Variants in SGPP2 observed in about 807,000 individuals in gnomAD.
The protein encoded by SGPP2 is sphingosine 1-phosphate phosphohydrolase 2.
Under a neutral mutation model 33.9 loss-of-function variants are expected in SGPP2, and 30 were observed. The ratio of observed to expected loss-of-function variants is 0.89; its 90% CI spans 0.66 to 1.20. SGPP2 has a LOEUF of 1.20. SGPP2 is among the 50% of genes most tolerant of loss of function. SGPP2 has a pLI of 0.00. For synonymous variants in SGPP2, 233 were observed against 225.0 expected (o/e 1.04, Z -0.32); for missense variants, 458 against 532.1 (o/e 0.86, Z 1.37).
At chr2:222,531,558 T>C (rs1232013241) in intron 4 of SGPP2, among the ~76,000 whole-genome samples, 2 of 152,202 alleles carry the variant, frequency 1.3e-5, no homozygotes, top group Non-Finnish European at 2.9e-5. Context: ...ATTTATTGTG[T>C]ATAGAGTTTC....
intron 4 of SGPP2, among the ~76,000 whole-genome samples, chr2:222,539,706 C>T (rs758406440): frequency 6.6e-5 from 10 of 152,224 alleles, no homozygotes; most frequent in Non-Finnish European, 1.3e-4. Flanking sequence ...ATGGCTTCAA[C>T]CTCCATGCCA....
chr2:222,521,504 GTGTT>G (rs1698684639), intron 2 of SGPP2, among the ~76,000 whole-genome samples: 1 of 131,568 alleles, frequency 7.6e-6, no homozygotes, highest in Non-Finnish European at 1.5e-5. Flanking sequence ...TATAAGCTAC[GTGTT>G]TGTTAAATAC....
chr2:222,477,286 G>A lies in SGPP2; in HGVS notation c.378+2560G>A, dbSNP rs1020646079. Reference sequence around the variant, plus strand: ...ATAGGTGTATATGTATGTGTGTATGGGTGTGTATATGTGTGTATATAGGTG... The same window carrying A: ...ATAGGTGTATATGTATGTGTGTATGAGTGTGTATATGTGTGTATATAGGTG... On this transcript the variant is annotated intron_variant, in intron 2 of 4. Transcript: ENST00000321276. This position sits in a 1 kb window ranked among gnomAD's most constrained non-coding sequence, Gnocchi z 6.0. Among the ~76,000 whole-genome samples, 25 of 146,358 alleles carry A rather than the reference G, an allele frequency of 1.7e-4. 1 individual carries two copies. Among genetic ancestry groups the A allele is most frequent in the Admixed American group, 1.3e-3 (19 of 14,744 alleles).
intron 1 of SGPP2, among the ~76,000 whole-genome samples, chr2:222,434,998 AC>A (rs1697214257): frequency 6.6e-6 from 1 of 150,680 alleles, no homozygotes; most frequent in African/African-American, 2.5e-5. Flanking sequence ...ACACACACAC[AC>A]ACACACACAC....
chr2:222,546,845 A>ACT (rs1689210536), intron 4 of SGPP2, among the ~76,000 whole-genome samples: 4 of 146,954 alleles, frequency 2.7e-5, no homozygotes, highest in Non-Finnish European at 6.0e-5. Context: ...AAAAAAAAAG[A>ACT]ACATGCCAGA....
chr2:222,540,300 GC>G (rs1698972372), intron 4 of SGPP2, among the ~76,000 whole-genome samples: 1 of 152,126 alleles, frequency 6.6e-6, no homozygotes, highest in Non-Finnish European at 1.5e-5. Flanking sequence ...AATCACATAT[GC>G]AACTCATCAC....
chr2:222,541,097 G>C (rs963176771), intron 4 of SGPP2, among the ~76,000 whole-genome samples: 4 of 152,288 alleles, frequency 2.6e-5, no homozygotes, highest in Non-Finnish European at 4.4e-5. Flanking sequence ...GATTACAGGC[G>C]TGAGCCACCA....
intron 1 of SGPP2, among the ~76,000 whole-genome samples, chr2:222,433,184 A>G (rs976249053): frequency 1.3e-5 from 2 of 152,218 alleles, no homozygotes; most frequent in Non-Finnish European, 1.5e-5. Flanking sequence ...TGAGTATGGC[A>G]GATTCCACTG....
rs531810256 is a variant in SGPP2 at position 222,446,944 on chromosome 2, A to G, written c.219+22123A>G. 9.5e-4 allele frequency among the ~76,000 whole-genome samples: 145 copies of G among 152,380 alleles called. 3 individuals are homozygous for G. The South Asian group carries it at 0.016, about 17-fold the overall frequency. Reference sequence around the variant, plus strand: ...CAGTAGTAAAGAAATTTTTGCTGCTATAGGTGACAGTAGTCCCTGTTAATA... The same window carrying G: ...CAGTAGTAAAGAAATTTTTGCTGCTGTAGGTGACAGTAGTCCCTGTTAATA... On this transcript the variant is annotated intron_variant, in intron 1 of 4. Coordinates refer to ENST00000321276, the MANE Select transcript of SGPP2 (RefSeq NM_152386.4).
At position 222,508,750 on chromosome 2, in the gene SGPP2, A is replaced by G. The variant is rs557307090; in HGVS notation, c.379-13017A>G. On this transcript the variant is annotated intron_variant, in intron 2 of 4. Transcript: ENST00000321276. ...TTTTCTCATCTACTCTTTGTGCTTTAGTTATTTCATCTCTATTTTTACAAA... is the reference window on the plus strand; with the variant it reads ...TTTTCTCATCTACTCTTTGTGCTTTGGTTATTTCATCTCTATTTTTACAAA... Among the ~76,000 whole-genome samples, 4 of 152,322 alleles carry G rather than the reference A, an allele frequency of 2.6e-5. No homozygotes were observed. The East Asian group carries it at 7.7e-4, about 29-fold the overall frequency.
At chr2:222,490,355 ATACTCT>A (rs1559159123) in intron 2 of SGPP2, among the ~76,000 whole-genome samples, 2 of 152,200 alleles carry the variant, frequency 1.3e-5, no homozygotes, top group Admixed American at 1.3e-4. Flanking sequence ...GCAATGACAA[ATACTCT>A]TATGGGGTCA....
At chr2:222,430,786 G>C (rs1697142577) in intron 1 of SGPP2, among the ~76,000 whole-genome samples, 1 of 152,204 alleles carries the variant, frequency 6.6e-6, no homozygotes, top group African/African-American at 2.4e-5. Flanking sequence ...TTGACATCAT[G>C]TTCTCTTGAT....
intron 1 of SGPP2, among the ~76,000 whole-genome samples, chr2:222,459,662 A>G (rs1390550680): frequency 1.3e-5 from 2 of 152,020 alleles, no homozygotes; most frequent in African/African-American, 2.4e-5. Flanking sequence ...TGAGAGAGAG[A>G]GAGACAGAGA....
At chr2:222,493,570 C>T (rs1053116381) in intron 2 of SGPP2, among the ~76,000 whole-genome samples, 1 of 152,198 alleles carries the variant, frequency 6.6e-6, no homozygotes, top group Admixed American at 6.5e-5. Flanking sequence ...TCCTAGACTA[C>T]AGCAGTCCTC....
chr2:222,468,561 G>A (rs895166381), intron 1 of SGPP2, among the ~76,000 whole-genome samples: 2 of 152,152 alleles, frequency 1.3e-5, no homozygotes, highest in Admixed American at 6.5e-5. Context: ...TCAAAAGCTG[G>A]GCTGGCCGCC....
At chr2:222,557,684 G>T (rs893684465) in intron 4 of SGPP2, among the ~76,000 whole-genome samples, 1 of 152,154 alleles carries the variant, frequency 6.6e-6, no homozygotes, top group Non-Finnish European at 1.5e-5. Context: ...AGGAGGCGAT[G>T]GAATAAAGCA....
In SGPP2 at chr2:222,538,207, A is replaced by T. The variant is rs1223895921; in HGVS notation, c.648+13174A>T. 2.6e-5 allele frequency among the ~76,000 whole-genome samples: 4 copies of T among 152,142 alleles called. No individual in the cohort carries two copies. In the East Asian group the frequency reaches 7.7e-4, roughly 29 times the overall value. ...TCCTACATGAAGGAGTTTTGGGGGG[A>T]ATTATGCAACTGATTGCTGTGGTTT... On this transcript the variant is annotated intron_variant, in intron 4 of 4. Transcript: ENST00000321276.
chr2:222,533,368 C>T (rs1353092519), intron 4 of SGPP2, among the ~76,000 whole-genome samples: 1 of 152,202 alleles, frequency 6.6e-6, no homozygotes, highest in East Asian at 1.9e-4. Context: ...CCCAGCACTA[C>T]CCTTGGACCA....
chr2:222,498,259 T>A (rs1252661474), intron 2 of SGPP2: 1 of 152,224 alleles, frequency 6.6e-6, no homozygotes, highest in Non-Finnish European at 1.5e-5. Context: ...CCCTCAACTC[T>A]GTATACTATG....
Sources: allele counts gnomAD v4.1 joint callset (sites outside exome capture counted in the v4.1 genomes callset), GRCh38; gene constraint gnomAD v4.1.1; non-coding constraint Gnocchi (gnomAD v3.1); transcripts MANE v1.5; gene names NCBI Gene and HGNC (gene_info 2026-07-23, HGNC 2026-07-21).